Variants in NCF4 observed in about 807,000 individuals in gnomAD.
NCF4 encodes neutrophil cytosolic factor 4, also known as neutrophil cytosol factor 4.
A neutral mutation model predicts 41.7 loss-of-function variants in NCF4; 30 were observed. That is an observed-to-expected ratio of 0.72 (90% CI 0.54 to 0.97). The LOEUF is 0.97. NCF4 is among the 50% of genes least tolerant of loss of function. The pLI is 0.00. For missense variants in NCF4, 432 were observed against 460.9 expected (o/e 0.94, Z 0.57); for synonymous variants, 195 against 175.8 (o/e 1.11, Z -0.87).
At chr22:36,864,883 C>T (rs770112511) in intron 2 of NCF4, 36 bp from the exon 3 acceptor site, 1 of 1,613,660 alleles carries the variant, frequency 6.2e-7, no homozygotes. Flanking sequence ...GTGCTCCTGG[C>T]CCCTGAGCCC....
intron 7 of NCF4, among the ~76,000 whole-genome samples, chr22:36,872,750 T>G (rs1601554074): frequency 6.9e-6 from 1 of 145,540 alleles, no homozygotes. Flanking sequence ...AGATTGGAGG[T>G]GAGGATGGAG....
In NCF4 at chr22:36,871,707, G is replaced by C. The variant is rs748770662; in HGVS notation, c.526G>C (p.Glu176Gln). Residue 176 changes from glutamate to glutamine, a missense_variant and splice_region_variant, in exon 6 of 10, where the codon GAG becomes CAG. Coordinates refer to ENST00000248899, the MANE Select transcript of NCF4 (RefSeq NM_000631.5). ...SVDRMAAPRAEALFDFTGNSK... is the reference protein window; with the variant it reads ...SVDRMAAPRAQALFDFTGNSK... The stretch of plus-strand genomic sequence containing the variant: ...TGACCGCATGGCAGCTCCGAGAGCA[G>C]AGGTAACCCCCGCCCCCACGCTGGC... 10 of 1,563,618 alleles carry C rather than the reference G, an allele frequency of 6.4e-6. No homozygotes were observed. In the African/African-American group the frequency reaches 1.2e-4, roughly 19 times the overall value.
chr22:36,864,144 T>C lies in NCF4; in HGVS notation c.117+15T>C, dbSNP rs1469962121. ...CCAGCCACTTTGTAAGACAGACTCC[T>C]AGTCCTTCACCCAACAACCTCTGAA... On this transcript the variant is annotated intron_variant, in intron 2 of 9. Transcript: ENST00000248899. 1.2e-6 allele frequency: 2 copies of C among 1,601,646 alleles called. No homozygotes were observed. Among genetic ancestry groups the C allele is most frequent in the South Asian group, 2.2e-5 (2 of 90,804 alleles).
intron 9 of NCF4, among the ~76,000 whole-genome samples, chr22:36,876,916 G>A (rs1427730753): frequency 6.6e-6 from 1 of 152,172 alleles, no homozygotes; most frequent in Non-Finnish European, 1.5e-5. Context: ...ACGTACACCA[G>A]CCAAGTAGAA....
rs1376325996 is a variant in NCF4 at position 36,864,805 on chromosome 22, T to C, written c.118-114T>C. 4 of 1,324,888 alleles carry C rather than the reference T, an allele frequency of 3.0e-6. No individual in the cohort carries two copies. The African/African-American group carries it at 5.8e-5, about 19-fold the overall frequency. 82.1% of individuals were successfully genotyped at this position (1,324,888 alleles called of 1,614,324 possible). On this transcript the variant is annotated intron_variant, in intron 2 of 9. Coordinates refer to ENST00000248899, the MANE Select transcript of NCF4 (RefSeq NM_000631.5). ...GGGTCTCCTTCTCCAGAGACCCTTC[T>C]GCATCCTTATCCTCATCATCTTCCT...
intron 7 of NCF4, among the ~76,000 whole-genome samples, chr22:36,875,326 G>A (rs546268452): frequency 1.3e-5 from 2 of 152,132 alleles, no homozygotes; most frequent in African/African-American, 4.8e-5. Context: ...TACTGCGCCC[G>A]GCCCAAGGAC....
intron 9 of NCF4, among the ~76,000 whole-genome samples, chr22:36,876,404 A>G (rs1284988454): frequency 6.6e-6 from 1 of 151,640 alleles, no homozygotes; most frequent in African/African-American, 2.4e-5. Flanking sequence ...GGGACTCACT[A>G]CCCCCCCAGG....
At chr22:36,866,207 C>T (rs1939923435) in intron 3 of NCF4, among the ~76,000 whole-genome samples, 1 of 152,092 alleles carries the variant, frequency 6.6e-6, no homozygotes, top group Admixed American at 6.5e-5. Context: ...CTCACCTTGG[C>T]ATGGCCATCC....
chr22:36,861,181 G>T lies in NCF4; in HGVS notation c.10G>T (p.Ala4Ser). Residue 4 changes from alanine to serine, a missense_variant, in exon 1 of 10, where the codon GCC (alanine) becomes TCC (serine). Transcript: ENST00000248899. ...GGGACCATCGCCCACCATGGCTGTG[G>T]CCCAGCAGCTGCGGGCCGAGAGGTG... MAV[A>S]QQLRAESDFE... is the part of the protein sequence containing the mutation. 1 of 1,551,492 alleles carries T rather than the reference G, an allele frequency of 6.4e-7. No individual in the cohort carries two copies. The highest frequency in any genetic ancestry group is 8.7e-7 in the Non-Finnish European group (1 of 1,146,828).
At chr22:36,873,464 C>T (rs2145723446) in intron 7 of NCF4, among the ~76,000 whole-genome samples, 1 of 150,978 alleles carries the variant, frequency 6.6e-6, no homozygotes, top group Middle Eastern at 3.4e-3. Flanking sequence ...GCTTCAGAGA[C>T]TGAGGATGGT....
intron 9 of NCF4, among the ~76,000 whole-genome samples, chr22:36,876,870 T>A (rs1368073908): frequency 6.6e-6 from 1 of 152,216 alleles, no homozygotes; most frequent in Non-Finnish European, 1.5e-5. Context: ...TGGCCCACAC[T>A]GTGAAATTAC....
intron 4 of NCF4, among the ~76,000 whole-genome samples, chr22:36,867,905 T>A (rs749246926): frequency 6.6e-6 from 1 of 152,192 alleles, no homozygotes; most frequent in Non-Finnish European, 1.5e-5. Context: ...TCATATAGCA[T>A]CTTTGTGCAA....
chr22:36,862,400 G>A (rs777134458), intron 1 of NCF4, among the ~76,000 whole-genome samples: 9 of 152,192 alleles, frequency 5.9e-5, no homozygotes, highest in East Asian at 1.9e-4. Context: ...AAGGCTGGCC[G>A]ACCTGAATTC....
intron 6 of NCF4, 25 bp from the exon 7 acceptor site, chr22:36,872,302 C>T (rs775764968): frequency 1.1e-5 from 16 of 1,523,154 alleles, no homozygotes; most frequent in Admixed American, 5.0e-5. Context: ...CTCTCCTTCC[C>T]TCCTTACTGC....
chr22:36,866,341 C>A (rs141341977), intron 3 of NCF4, among the ~76,000 whole-genome samples: 7 of 152,196 alleles, frequency 4.6e-5, no homozygotes, highest in East Asian at 3.9e-4. Context: ...TTCACACCCC[C>A]ACTCCTTCCT....
chr22:36,876,908 G>A (rs901583417), intron 9 of NCF4, among the ~76,000 whole-genome samples: 1 of 152,096 alleles, frequency 6.6e-6, no homozygotes, highest in Non-Finnish European at 1.5e-5. Context: ...CAATTTCTAC[G>A]TACACCAGCC....
At chr22:36,864,616 C>G (rs1252851092) in intron 2 of NCF4, among the ~76,000 whole-genome samples, 2 of 152,074 alleles carry the variant, frequency 1.3e-5, no homozygotes, top group African/African-American at 2.4e-5. Flanking sequence ...AGGCATGGCT[C>G]CTCATTTCTT....
At chr22:36,872,629 G>A (rs539893366) in intron 7 of NCF4, among the ~76,000 whole-genome samples, 11 of 35,602 alleles carry the variant, frequency 3.1e-4, no homozygotes, top group African/African-American at 6.3e-4. Context: ...GAGATTGGAG[G>A]TGAGGGTGGA....
chr22:36,872,110 C>T (rs768211313), intron 6 of NCF4: 1 of 710,568 alleles, frequency 1.4e-6, no homozygotes, highest in South Asian at 1.5e-5. Context: ...CTCACCCCCA[C>T]CAGGTTTGGA....
Sources: allele counts gnomAD v4.1 joint callset (sites outside exome capture counted in the v4.1 genomes callset), GRCh38; gene constraint gnomAD v4.1.1; transcripts MANE v1.5; gene names NCBI Gene and HGNC (gene_info 2026-07-23, HGNC 2026-07-21).